Variants in ASMTL observed in about 807,000 individuals in gnomAD.
ASMTL encodes probable bifunctional dTTP/UTP pyrophosphatase/methyltransferase protein.
Under a neutral mutation model 60.3 loss-of-function variants are expected in ASMTL, and 57 were observed. The ratio of observed to expected loss-of-function variants is 0.95; its 90% confidence interval spans 0.76 to 1.18. ASMTL has a LOEUF of 1.18. ASMTL is among the 50% of genes most tolerant of loss of function. The probability of loss-of-function intolerance (pLI) is 0.00; values close to 1 mark genes in which losing one functional copy is unlikely to be tolerated. For synonymous variants in ASMTL, 419 were observed against 373.0 expected, an observed-to-expected ratio of 1.12 and a Z score of -1.42; for missense variants, 981 against 852.6, an observed-to-expected ratio of 1.15 and a Z score of -1.88.
intron 11 of ASMTL, among the ~76,000 whole-genome samples, chrX:1,415,601 G>A (rs1449198653): frequency 1.3e-5 from 2 of 151,872 alleles, no homozygotes; most frequent in African/African-American, 2.4e-5. Flanking sequence ...GAGTAGCTGG[G>A]ATTACAGGCG....
At chrX:1,433,871 G>C (rs1458130753) in intron 5 of ASMTL, among the ~76,000 whole-genome samples, 4 of 152,064 alleles carry the variant, frequency 2.6e-5, no homozygotes, top group Admixed American at 6.6e-5. Context: ...AAAACCCCAA[G>C]CTGGGAAGGA....
chrX:1,437,135 A>C (rs1407417700), intron 3 of ASMTL, among the ~76,000 whole-genome samples: 2 of 151,104 alleles, frequency 1.3e-5, no homozygotes, highest in Non-Finnish European at 2.9e-5. Flanking sequence ...GTGGCTTATA[A>C]ACAACAGGCA....
chrX:1,415,844 A>G (rs1482172243), intron 11 of ASMTL, among the ~76,000 whole-genome samples: 1 of 151,846 alleles, frequency 6.6e-6, no homozygotes, highest in Non-Finnish European at 1.5e-5. Context: ...ACGGACGCAC[A>G]GACACAGACA....
intron 1 of ASMTL, among the ~76,000 whole-genome samples, chrX:1,444,507 G>C (rs6644948): frequency 0.88 from 133,597 of 152,126 alleles, 58,634 homozygotes; most frequent in East Asian, 0.94. Flanking sequence ...CTGCGCCCAG[G>C]CTCACTTTCT....
At chrX:1,426,920 T>G in intron 7 of ASMTL, among the ~76,000 whole-genome samples, 1 of 151,292 alleles carries the variant, frequency 6.6e-6, no homozygotes, top group African/African-American at 2.4e-5. Flanking sequence ...GAGGCAGAGG[T>G]TGCAGTGAGC....
At chrX:1,403,682 G>GA in intron 12 of ASMTL, 193 bp from the exon 13 acceptor site, 1 of 606,026 alleles carries the variant, frequency 1.7e-6, no homozygotes, top group South Asian at 2.0e-5. Context: ...CAGACAGGGA[G>GA]AAGGAGATTT....
At chrX:1,419,250 C>T (rs2149296807) in intron 9 of ASMTL, 136 bp from the exon 10 acceptor site, 2 of 961,844 alleles carry the variant, frequency 2.1e-6, no homozygotes, top group Non-Finnish European at 3.1e-6. Context: ...GCAGAGCGGG[C>T]TTCATGCCAC....
Position 1,450,595 on chromosome X carries a change from T to A in ASMTL, c.93+2153A>T, listed in dbSNP as rs182221366. ...CCCATCCCTAGGGGCTCTGGGTCAC[T>A]CTCCCCTCCCCCATCCCTAGGGGTT... is the stretch of plus-strand genomic sequence containing the variant. On this transcript the variant is annotated intron_variant, in intron 1 of 12. Coordinates refer to ENST00000381317, the MANE Select transcript of ASMTL (RefSeq NM_004192.4). 9.7e-4 allele frequency among the ~76,000 whole-genome samples: 92 copies of A among 94,622 alleles called. 1 individual carries two copies. Among genetic ancestry groups the A allele is most frequent in the Non-Finnish European group, 6.0e-4 (29 of 48,034 alleles). 62.1% of individuals were successfully genotyped at this position (94,622 alleles called of 152,430 possible).
intron 5 of ASMTL, 47 bp downstream of exon 5, chrX:1,434,975 C>T: frequency 6.2e-7 from 1 of 1,608,530 alleles, no homozygotes; most frequent in Non-Finnish European, 8.5e-7. Flanking sequence ...TGTCCCGGGT[C>T]CTTGTCTCGG....
At chrX:1,421,926 TAAAA>T in intron 8 of ASMTL, 84 bp from the exon 9 acceptor site, 3 of 1,297,810 alleles carry the variant, frequency 2.3e-6, no homozygotes, top group Non-Finnish European at 3.3e-6. Context: ...ATTGAGATGT[TAAAA>T]TAAACATCAC....
In ASMTL at chrX:1,403,348, A is replaced by G. The variant is rs768630164; in HGVS notation, c.1787T>C (p.Leu596Pro). The G allele has an allele frequency of 8.7e-6, 14 of 1,613,312 alleles. No homozygotes were observed. In the African/African-American group the frequency reaches 1.2e-4, roughly 14 times the overall value. ...SLGEYQCLLE[L>P]HGFHQVQVVH... is the part of the protein sequence containing the mutation. ...CACCTGCACCTGGTGGAAGCCGTGC[A>G]GCTCCAGCAAGCACTGATACTCGCC... Residue 596 changes from leucine to proline, a missense_variant, in exon 13 of 13, where the codon CTG (leucine) becomes CCG (proline). By Grantham distance (98) the Leu-to-Pro change is moderately conservative. Transcript: ENST00000381317.
chrX:1,407,397 GAT>G (rs2089903666), intron 12 of ASMTL, among the ~76,000 whole-genome samples: 2 of 147,912 alleles, frequency 1.4e-5, no homozygotes, highest in Non-Finnish European at 3.0e-5. Flanking sequence ...TGAATGGATG[GAT>G]ATAGATGGAT....
intron 10 of ASMTL, among the ~76,000 whole-genome samples, chrX:1,418,357 T>C (rs1238287441): frequency 6.6e-6 from 1 of 151,046 alleles, no homozygotes; most frequent in Non-Finnish European, 1.5e-5. Context: ...CTGTACTCCC[T>C]TCTCCTTCCT....
chrX:1,431,227 TA>T (rs1180374659), intron 6 of ASMTL, among the ~76,000 whole-genome samples: 40 of 126,508 alleles, frequency 3.2e-4, no homozygotes, highest in Admixed American at 5.3e-4. Flanking sequence ...TATATAATTA[TA>T]AATTATATTT....
intron 6 of ASMTL, among the ~76,000 whole-genome samples, chrX:1,428,713 G>A (rs1263618557): frequency 1.4e-5 from 2 of 140,606 alleles, no homozygotes; most frequent in African/African-American, 5.2e-5. Flanking sequence ...GTATACATGC[G>A]TCATCATTAA....
At chrX:1,428,889 T>TAA in intron 6 of ASMTL, among the ~76,000 whole-genome samples, 1 of 144,650 alleles carries the variant, frequency 6.9e-6, no homozygotes, top group Non-Finnish European at 1.5e-5. Flanking sequence ...CTGTCTCACT[T>TAA]TTTTATTTTT....
rs1360346066 is a variant in ASMTL at position 1,405,153 on chromosome X, G to A, written c.1646-1664C>T. 2.2e-4 allele frequency among the ~76,000 whole-genome samples: 29 copies of A among 130,002 alleles called. No individual in the cohort carries two copies. The Admixed American group carries it at 2.4e-3, about 11-fold the overall frequency. 85.3% of individuals were successfully genotyped at this position (130,002 alleles called of 152,430 possible). On this transcript the variant is annotated intron_variant, in intron 12 of 12. Coordinates refer to ENST00000381317, the MANE Select transcript of ASMTL (RefSeq NM_004192.4). ...TAGGTAGGTAGATGAATAGATGGGTGCATGGATGAGATGGATGGTTGGGTG... is the reference window on the plus strand; with the variant it reads ...TAGGTAGGTAGATGAATAGATGGGTACATGGATGAGATGGATGGTTGGGTG...
At position 1,425,627 on chromosome X, in the gene ASMTL, T is replaced by A; in HGVS notation, c.958A>T (p.Lys320Ter). Reference protein sequence around the residue: ...FDLLKDEAPQKAADIASKVDA... With the variant: ...FDLLKDEAPQ The stretch of plus-strand genomic sequence containing the variant: ...ACTTTGCTGGCAATATCCGCAGCCT[T>A]CTGGGGTGCTTCATCTTTTAACAAA... Residue 320 changes from lysine to a stop codon, truncating the protein, a stop_gained, in exon 8 of 13, where the codon AAG (lysine) becomes TAG (stop). Coordinates refer to ENST00000381317, the MANE Select transcript of ASMTL (RefSeq NM_004192.4). LOFTEE classifies it high-confidence loss of function. 2 of 1,613,806 alleles carry A rather than the reference T, an allele frequency of 1.2e-6. No individual in the cohort carries two copies. The highest frequency in any genetic ancestry group is 1.7e-6 in the Non-Finnish European group (2 of 1,179,810).
At chrX:1,435,636 C>G in intron 4 of ASMTL, 58 bp downstream of exon 4, 1 of 1,565,480 alleles carries the variant, frequency 6.4e-7, no homozygotes, top group Non-Finnish European at 8.8e-7. Flanking sequence ...CGGCCAGATA[C>G]CACAGCTACT....
Sources: gnomAD v4.1 joint callset for allele counts (sites outside exome capture counted in the v4.1 genomes callset) on GRCh38, gnomAD v4.1.1 for gene constraint, MANE v1.5 for transcripts, NCBI Gene and HGNC (gene_info 2026-07-23, HGNC 2026-07-21) for gene names.